STOX2: variants seen among roughly 807,000 people sequenced by gnomAD.
The protein encoded by STOX2 is storkhead-box protein 2.
A neutral mutation model predicts 60.9 loss-of-function variants in STOX2; 28 were observed. The observed-to-expected ratio is 0.46, with a 90% CI of 0.34 to 0.63. The LOEUF (loss-of-function observed/expected upper bound fraction) is 0.63, where lower values mean the gene tolerates loss of function less well. Among genes scored for constraint, STOX2 ranks in the 30% least tolerant of loss-of-function variants. The pLI, the probability that STOX2 is intolerant of heterozygous loss-of-function variation, is 0.01. For synonymous variants in STOX2, 472 were observed against 463.9 expected (o/e 1.02, Z -0.22); for missense variants, 1,024 against 1,187.7 (o/e 0.86, Z 2.03).
chr4:184,010,040 A>G lies in STOX2; in HGVS notation c.1202A>G (p.Asp401Gly), dbSNP rs1463476725. Residue 401 changes from aspartate to glycine, a missense_variant, in exon 3 of 4, where the codon GAT becomes GGT. This residue lies in a region of STOX2 where 922 missense variants were observed against 1,058.3 expected (regional missense o/e 0.87). Coordinates refer to ENST00000308497, the MANE Select transcript of STOX2 (RefSeq NM_020225.3). This position sits in a 1 kb window ranked among gnomAD's most constrained non-coding sequence, Gnocchi z 4.5. ...IPAEREYDFC[D>G]PLTRVPREGC... ...GCTGAAAGAGAGTATGACTTTTGTG[A>G]TCCTCTTACCAGGGTGCCCAGGGAG... is the stretch of plus-strand genomic sequence containing the variant. The G allele has an allele frequency of 6.2e-7, 1 of 1,613,814 alleles. No homozygotes were observed. Among genetic ancestry groups the G allele is most frequent in the Non-Finnish European group, 8.5e-7 (1 of 1,179,834 alleles).
chr4:183,935,017 A>G (rs1023963801), intron 1 of STOX2, among the ~76,000 whole-genome samples: 2 of 152,252 alleles, frequency 1.3e-5, no homozygotes, highest in Non-Finnish European at 2.9e-5. Context: ...ACTCAGTGCA[A>G]TATTTCAAAC....
chr4:183,935,460 A>G (rs1361672730), intron 1 of STOX2, among the ~76,000 whole-genome samples: 1 of 152,240 alleles, frequency 6.6e-6, no homozygotes, highest in African/African-American at 2.4e-5. Flanking sequence ...GAATAAGTCT[A>G]TCTGCTTATT....
intron 1 of STOX2, among the ~76,000 whole-genome samples, chr4:183,994,656 A>T (rs1251048200): frequency 6.6e-6 from 1 of 152,236 alleles, no homozygotes. Flanking sequence ...CATTTTACAG[A>T]TGAGGAAACG....
At chr4:183,808,235 A>C (rs186581606) in intron 1 of STOX2, among the ~76,000 whole-genome samples, 6 of 152,268 alleles carry the variant, frequency 3.9e-5, no homozygotes, top group Non-Finnish European at 7.3e-5. Context: ...TTAGGGTTAC[A>C]TCTCTCCTGT....
Position 184,020,927 on chromosome 4 carries a change from AACC to A in STOX2, c.*3644_*3646del, listed in dbSNP as rs1734563446. ...CATTGCAGTCACCATGGGGAGAAGA[AACC>A]TGTTCAGTGGAAGCAGAAGCATTGT... On this transcript the variant is annotated 3_prime_UTR_variant, in exon 4 of 4. Coordinates refer to ENST00000308497, the MANE Select transcript of STOX2 (RefSeq NM_020225.3). 1 of 152,234 alleles carries A rather than the reference AACC, an allele frequency of 6.6e-6. No homozygotes were observed. Among genetic ancestry groups the A allele is most frequent in the Non-Finnish European group, 1.5e-5 (1 of 68,032 alleles). The allele number at this position is 152,234 out of a possible 1,614,324, so 9.4% of individuals were successfully genotyped here.
chr4:183,989,193 TG>T (rs71976695), intron 1 of STOX2, among the ~76,000 whole-genome samples: 23,020 of 59,932 alleles, frequency 0.38, 2,136 homozygotes, highest in East Asian at 0.49. Context: ...TTTTTTTTTT[TG>T]TTTGTTTGGT....
At chr4:183,972,370 A>G (rs1579489094) in intron 1 of STOX2, among the ~76,000 whole-genome samples, 1 of 152,198 alleles carries the variant, frequency 6.6e-6, no homozygotes, top group African/African-American at 2.4e-5. Flanking sequence ...GCCCTAGGGT[A>G]CTGGAAGGTA....
chr4:184,005,615 C>G (rs144998241), intron 2 of STOX2, among the ~76,000 whole-genome samples: 217 of 152,274 alleles, frequency 1.4e-3, no homozygotes, highest in African/African-American at 5.1e-3. Flanking sequence ...TAAGCCCTCA[C>G]AATCTGAACT....
In STOX2 at chr4:183,838,056, C is replaced by G. The variant is rs181053352; in HGVS notation, c.364+40001C>G. Among the ~76,000 whole-genome samples, 259 of 151,866 alleles carry G rather than the reference C, an allele frequency of 1.7e-3. 2 individuals are homozygous for G. Among genetic ancestry groups the G allele is most frequent in the African/African-American group, 5.8e-3 (240 of 41,418 alleles). ...TTAAAATTAAAACAGAAAATCACCG[C>G]TTTTGTATTTAGTGATAATTTTTAC... On this transcript the variant is annotated intron_variant, in intron 1 of 2. Transcript: ENST00000513034.
chr4:183,844,806 C>T (rs556178848), intron 1 of STOX2, among the ~76,000 whole-genome samples: 5 of 152,302 alleles, frequency 3.3e-5, no homozygotes, highest in African/African-American at 1.2e-4. Flanking sequence ...GTATTGAGCA[C>T]CTCGCCTACT....
intron 1 of STOX2, among the ~76,000 whole-genome samples, chr4:183,899,427 A>G (rs1351119328): frequency 6.6e-6 from 1 of 152,246 alleles, no homozygotes. Flanking sequence ...TATGAATGCC[A>G]CGAAAAGTTG....
intron 1 of STOX2, among the ~76,000 whole-genome samples, chr4:183,864,542 C>T (rs767879957): frequency 1.3e-5 from 2 of 151,958 alleles, no homozygotes; most frequent in African/African-American, 2.4e-5. Flanking sequence ...TACAGGCGCC[C>T]ACCACCATGC....
In STOX2 at chr4:184,011,194, G is replaced by A; in HGVS notation, c.2356G>A (p.Ala786Thr). 1 of 1,598,924 alleles carries A rather than the reference G, an allele frequency of 6.3e-7. No individual in the cohort carries two copies. Among genetic ancestry groups the A allele is most frequent in the South Asian group, 1.1e-5 (1 of 88,398 alleles). Residue 786 changes from alanine to threonine, a missense_variant, in exon 3 of 4, where the codon GCA (alanine) becomes ACA (threonine). Physicochemically the swap from Ala to Thr is moderately conservative, Grantham distance 58. Around this residue, in one of 3 missense-constraint regions of STOX2, gnomAD observed 922 missense variants for 1,058.3 expected, o/e 0.87. Transcript: ENST00000308497. The surrounding 1 kb of genome is among the most constrained non-coding windows in gnomAD (Gnocchi z 4.4). ...VSDDDDSEEGANKNTEEEKNR... is the reference protein window; with the variant it reads ...VSDDDDSEEGTNKNTEEEKNR... ...TGATGATGACGACTCTGAGGAAGGG[G>A]CAAACAAGAACACAGAGGAGGAGAA...
intron 1 of STOX2, among the ~76,000 whole-genome samples, chr4:183,895,731 A>G (rs1741325302): frequency 1.3e-5 from 2 of 152,214 alleles, no homozygotes; most frequent in Non-Finnish European, 2.9e-5. Flanking sequence ...GCACATAGCA[A>G]GTGCTCAATA....
rs764299710 is a variant in STOX2, at chr4:184,010,117, A to C, written c.1279A>C (p.Thr427Pro). 1 of 1,588,548 alleles carries C rather than the reference A, an allele frequency of 6.3e-7. No homozygotes were observed. The highest frequency in any genetic ancestry group is 1.3e-5 in the African/African-American group (1 of 74,532). ...KGDNFIMHSN[T>P]NVLESHFPMT... ...AGATAACTTCATCATGCACAGCAAC[A>C]CAAACGTGCTCGAGTCCCACTTCCC... Residue 427 changes from threonine (T) to proline (P), a missense_variant, in exon 3 of 4, where the codon ACA (threonine) becomes CCA (proline). Coordinates refer to ENST00000308497, the MANE Select transcript of STOX2 (RefSeq NM_020225.3). The surrounding 1 kb of genome is among the most constrained non-coding windows in gnomAD (Gnocchi z 4.5).
At chr4:183,952,813 C>G (rs76717659) in intron 1 of STOX2, among the ~76,000 whole-genome samples, 1 of 152,048 alleles carries the variant, frequency 6.6e-6, no homozygotes, top group African/African-American at 2.4e-5. Context: ...ACTATACCAA[C>G]GCAGGTATAA....
rs200813680 is a variant in STOX2 at position 184,011,051 on chromosome 4, G to T, written c.2213G>T (p.Arg738Leu). 1.2e-6 allele frequency: 2 copies of T among 1,611,674 alleles called. No individual in the cohort carries two copies. The highest frequency in any genetic ancestry group is 2.2e-5 in the East Asian group (1 of 44,824). The stretch of plus-strand genomic sequence containing the variant: ...ACACCTGCTGACACATTGCCAGGCC[G>T]ATGTGAGAAACTGGAACCGTCCCTG... ...PKTPADTLPG[R>L]CEKLEPSLGT... Residue 738 changes from arginine to leucine, a missense_variant, in exon 3 of 4, where the codon CGA (arginine) becomes CTA (leucine). Transcript: ENST00000308497. The surrounding 1 kb of genome is among the most constrained non-coding windows in gnomAD (Gnocchi z 4.4).
At chr4:183,798,435 C>A (rs997652095) in intron 1 of STOX2, among the ~76,000 whole-genome samples, 1 of 151,750 alleles carries the variant, frequency 6.6e-6, no homozygotes, top group Non-Finnish European at 1.5e-5. Context: ...GTGCGCGGGC[C>A]GGGCGGAGGT....
intron 1 of STOX2, among the ~76,000 whole-genome samples, chr4:183,892,383 A>G (rs1281831483): frequency 1.3e-5 from 2 of 152,126 alleles, no homozygotes; most frequent in African/African-American, 4.8e-5. Context: ...GGTTCACGCC[A>G]TTCTCCTGCC....
Sources: allele counts gnomAD v4.1 joint callset (sites outside exome capture counted in the v4.1 genomes callset), GRCh38; gene constraint gnomAD v4.1.1; regional missense constraint gnomAD v4.1.1; non-coding constraint Gnocchi (gnomAD v3.1); transcripts MANE v1.5; gene names NCBI Gene and HGNC (gene_info 2026-07-23, HGNC 2026-07-21).